PTPRK: variants seen among roughly 807,000 people sequenced by gnomAD.
PTPRK encodes protein tyrosine phosphatase receptor type K, also known as receptor-type tyrosine-protein phosphatase kappa.
In PTPRK, 75 loss-of-function variants were observed where a neutral mutation model predicts 178.0. The ratio of observed to expected loss-of-function variants is 0.42; its 90% CI spans 0.35 to 0.51. The LOEUF (loss-of-function observed/expected upper bound fraction) is 0.51. Ranked by LOEUF, PTPRK falls within the 20% of genes least tolerant of loss-of-function variation. PTPRK has a pLI of 0.02. For missense variants in PTPRK, 1,441 were observed against 1,797.8 expected (o/e 0.80, Z 3.59); for synonymous variants, 637 against 620.6 (o/e 1.03, Z -0.39).
intron 2 of PTPRK, among the ~76,000 whole-genome samples, chr6:128,344,218 C>T (rs552708942): frequency 3.4e-4 from 51 of 152,224 alleles, no homozygotes; most frequent in African/African-American, 1.2e-3. Context: ...TGACTATATC[C>T]TGATCAACAG....
intron 7 of PTPRK, among the ~76,000 whole-genome samples, chr6:128,102,106 AAT>A (rs1788890616): frequency 6.6e-6 from 1 of 152,240 alleles, no homozygotes; most frequent in Non-Finnish European, 1.5e-5. Flanking sequence ...AATGGAGCTC[AAT>A]AAATGTTAAA....
In PTPRK at chr6:127,981,624, G is replaced by A. The variant is rs116054513; in HGVS notation, c.3538-335C>T. Among the ~76,000 whole-genome samples the A allele has an allele frequency of 4.2e-3, 633 of 151,986 alleles. 5 individuals carry two copies. The highest frequency in any genetic ancestry group is 0.014 in the African/African-American group (568 of 41,516). On this transcript the variant is annotated intron_variant, in intron 24 of 29. Coordinates refer to ENST00000368226, the MANE Select transcript of PTPRK (RefSeq NM_002844.4). ...ATGACCCTTCATCACACTGGGAAAC[G>A]GTATCATTTGTAGTAACATCTGGGC...
intron 1 of PTPRK, among the ~76,000 whole-genome samples, chr6:128,439,336 A>G (rs7741248): frequency 0.15 from 23,182 of 152,188 alleles, 3,884 homozygotes; most frequent in African/African-American, 0.42. Context: ...TTGATTCACC[A>G]TTGAGTACCC....
chr6:128,398,006 G>A (rs1348400350), intron 1 of PTPRK, among the ~76,000 whole-genome samples: 1 of 152,146 alleles, frequency 6.6e-6, no homozygotes, highest in East Asian at 1.9e-4. Context: ...AGAGGATCTT[G>A]ACTGCAAGTT....
chr6:127,972,858 G>A (rs1774087221), intron 29 of PTPRK, among the ~76,000 whole-genome samples, 164 bp downstream of exon 29: 1 of 152,136 alleles, frequency 6.6e-6, no homozygotes, highest in Non-Finnish European at 1.5e-5. Context: ...AGTGTCTGTG[G>A]GTAGAGGGGG....
intron 18 of PTPRK, among the ~76,000 whole-genome samples, chr6:127,993,684 A>T (rs1216631171): frequency 6.6e-6 from 1 of 151,698 alleles, no homozygotes; most frequent in Non-Finnish European, 1.5e-5. Context: ...TTTATGGAAA[A>T]TAGCACAATG....
chr6:128,335,341 A>T (rs1406486903), intron 2 of PTPRK, among the ~76,000 whole-genome samples: 1 of 152,050 alleles, frequency 6.6e-6, no homozygotes. Context: ...TTTACAAAGT[A>T]CTATCACCTA....
At chr6:128,416,647 TA>T (rs762520693) in intron 1 of PTPRK, among the ~76,000 whole-genome samples, 4,398 of 121,486 alleles carry the variant, frequency 0.036, 162 homozygotes, top group African/African-American at 0.11. Context: ...GACTCCATCT[TA>T]AAAAAAAAAA....
At chr6:128,329,217 C>T (rs1243399562) in intron 2 of PTPRK, among the ~76,000 whole-genome samples, 3 of 152,018 alleles carry the variant, frequency 2.0e-5, no homozygotes, top group African/African-American at 7.3e-5. Context: ...CTCATTCAGT[C>T]TCTGCAGGGT....
Position 128,083,959 on chromosome 6 carries a change from ATAAAC to A in PTPRK, c.1466-140_1466-136del, listed in dbSNP as rs1308252795. The A allele has an allele frequency of 1.7e-5, 8 of 457,346 alleles. No individual in the cohort carries two copies. In the East Asian group the frequency reaches 2.7e-4, roughly 16 times the overall value. The allele number at this position is 457,346 out of a possible 1,614,324, so 28.3% of individuals were successfully genotyped here. ...ATAAAAATGTGTCCTTAAAAACAAAATAAACTATATGACTAGTTCTCTGATTTTAC... is the reference window on the plus strand; with the variant it reads ...ATAAAAATGTGTCCTTAAAAACAAAATATATGACTAGTTCTCTGATTTTAC... On this transcript the variant is annotated intron_variant, in intron 8 of 29. Coordinates refer to ENST00000368226, the MANE Select transcript of PTPRK (RefSeq NM_002844.4).
chr6:128,094,430 A>T (rs547753580), intron 7 of PTPRK, among the ~76,000 whole-genome samples: 2 of 152,200 alleles, frequency 1.3e-5, no homozygotes, highest in South Asian at 4.2e-4. Context: ...AAACTGAAAA[A>T]CTTGGTGGTT....
chr6:128,223,788 A>T lies in PTPRK; in HGVS notation c.694-4692T>A, dbSNP rs548166434. On this transcript the variant is annotated intron_variant, in intron 5 of 29. Transcript: ENST00000368226. ...CAGAAAGATTAGAAATGTGATGCAC[A>T]TAGCCTGTTAGCAGGACTAAAATTC... 3.9e-4 allele frequency among the ~76,000 whole-genome samples: 59 copies of T among 152,292 alleles called. 1 individual carries two copies. The South Asian group carries it at 0.012, about 32-fold the overall frequency.
At chr6:128,191,718 T>C (rs1407944266) in intron 6 of PTPRK, among the ~76,000 whole-genome samples, 1 of 147,816 alleles carries the variant, frequency 6.8e-6, no homozygotes, top group East Asian at 2.2e-4. Flanking sequence ...TTAATAAATC[T>C]GAAGCGAAAA....
At chr6:128,450,225 T>A (rs1248106751) in intron 1 of PTPRK, among the ~76,000 whole-genome samples, 1 of 152,148 alleles carries the variant, frequency 6.6e-6, no homozygotes, top group African/African-American at 2.4e-5. Flanking sequence ...TTAAACCATA[T>A]TTGTGTCTAA....
intron 3 of PTPRK, among the ~76,000 whole-genome samples, chr6:128,256,446 A>AT (rs528110195): frequency 0.048 from 6,794 of 142,456 alleles, 274 homozygotes; most frequent in African/African-American, 0.1. Flanking sequence ...TATGTTCTTC[A>AT]TTTTTTTTTT....
rs1834568078 is a variant in PTPRK at position 128,360,418 on chromosome 6, A to G, written c.223+37148T>C. Among the ~76,000 whole-genome samples the G allele has an allele frequency of 2.6e-5, 4 of 152,200 alleles. No individual in the cohort carries two copies. The South Asian group carries it at 8.3e-4, about 31-fold the overall frequency. On this transcript the variant is annotated intron_variant, in intron 2 of 29. Transcript: ENST00000368226. The stretch of plus-strand genomic sequence containing the variant: ...TCCAACACTTTTCCTACTCAACTCC[A>G]TCTCTTTGAAATTTCATCAACTAGA...
At position 128,520,366 on chromosome 6, in the gene PTPRK, T is replaced by C; in HGVS notation, c.-8A>G. On this transcript the variant is annotated 5_prime_UTR_variant, in exon 1 of 30. Transcript: ENST00000368226. ...CGCCGCAGTCGTATCCATGCCGAGTTTGGGAGAAGTTTCAAGCAGCTTTGC... is the reference window on the plus strand; with the variant it reads ...CGCCGCAGTCGTATCCATGCCGAGTCTGGGAGAAGTTTCAAGCAGCTTTGC... 6.3e-7 allele frequency: 1 copy of C among 1,599,032 alleles called. No homozygotes were observed. Among genetic ancestry groups the C allele is most frequent in the Middle Eastern group, 1.7e-4 (1 of 6,040 alleles).
intron 2 of PTPRK, among the ~76,000 whole-genome samples, chr6:128,344,109 G>A (rs896389060): frequency 3.9e-5 from 6 of 152,108 alleles, no homozygotes; most frequent in African/African-American, 1.2e-4. Flanking sequence ...TTGATAGAAC[G>A]TGCTTTGGCT....
At chr6:128,000,027 A>G in intron 15 of PTPRK, 1 of 955,446 alleles carries the variant, frequency 1.0e-6, no homozygotes, top group Non-Finnish European at 1.2e-6. Flanking sequence ...CCGAAGTACT[A>G]AACATTACAA....
Sources: gnomAD v4.1 joint callset for allele counts (sites outside exome capture counted in the v4.1 genomes callset) on GRCh38, gnomAD v4.1.1 for gene constraint, MANE v1.5 for transcripts, NCBI Gene and HGNC (gene_info 2026-07-23, HGNC 2026-07-21) for gene names.